Variants in TMEM161B observed in about 807,000 individuals in gnomAD.
TMEM161B encodes transmembrane protein 161B.
In TMEM161B, 34 loss-of-function variants were observed where a neutral mutation model predicts 61.8. The ratio of observed to expected loss-of-function variants is 0.55; its 90% confidence interval spans 0.42 to 0.73. The LOEUF is 0.73. TMEM161B is among the 30% of genes least tolerant of loss of function. The pLI is 0.00. For synonymous variants in TMEM161B, 167 were observed against 192.8 expected, an observed-to-expected ratio of 0.87 and a Z score of 1.11; for missense variants, 456 against 558.5, an observed-to-expected ratio of 0.82 and a Z score of 1.85.
intron 11 of TMEM161B, among the ~76,000 whole-genome samples, chr5:88,196,984 T>C (rs930160211): frequency 5.3e-5 from 8 of 152,150 alleles, no homozygotes; most frequent in Non-Finnish European, 1.2e-4. Context: ...TAATTTACAA[T>C]TGAACTACCT....
At chr5:88,244,764 C>T (rs561025502) in intron 1 of TMEM161B, among the ~76,000 whole-genome samples, 148 of 151,900 alleles carry the variant, frequency 9.7e-4, no homozygotes, top group African/African-American at 3.3e-3. Flanking sequence ...TTAATTCTTC[C>T]TATCCAAGAG....
intron 1 of TMEM161B, among the ~76,000 whole-genome samples, chr5:88,265,964 AT>A (rs1316747583): frequency 6.6e-6 from 1 of 152,220 alleles, no homozygotes; most frequent in African/African-American, 2.4e-5. Flanking sequence ...AAAGATTTAT[AT>A]TTGATCAAAG....
At chr5:88,244,344 T>C (rs1231110684) in intron 1 of TMEM161B, among the ~76,000 whole-genome samples, 1 of 151,964 alleles carries the variant, frequency 6.6e-6, no homozygotes, top group Non-Finnish European at 1.5e-5. Context: ...GCTTTAATCA[T>C]CTGCATATGG....
chr5:88,260,200 T>G (rs1755512635), intron 1 of TMEM161B, among the ~76,000 whole-genome samples: 1 of 152,220 alleles, frequency 6.6e-6, no homozygotes, highest in African/African-American at 2.4e-5. Flanking sequence ...ACGGACATAC[T>G]TCTACTTACC....
intron 2 of TMEM161B, among the ~76,000 whole-genome samples, chr5:88,239,930 AT>A (rs1752451605): frequency 6.6e-6 from 1 of 152,000 alleles, no homozygotes; most frequent in African/African-American, 2.4e-5. Context: ...AAATTTGGTT[AT>A]TTAACTGAAA....
intron 1 of TMEM161B, among the ~76,000 whole-genome samples, chr5:88,256,273 A>G (rs968833301): frequency 6.6e-6 from 1 of 152,220 alleles, no homozygotes; most frequent in African/African-American, 2.4e-5. Context: ...GACAAGGAAC[A>G]AAATATTCTT....
intron 5 of TMEM161B, among the ~76,000 whole-genome samples, chr5:88,207,863 G>A (rs1202104087): frequency 1.3e-5 from 2 of 152,046 alleles, no homozygotes; most frequent in Non-Finnish European, 2.9e-5. Flanking sequence ...ACAAACTAAG[G>A]TGCTTGGCAA....
intron 9 of TMEM161B, chr5:88,199,520 C>T (rs358287): frequency 0.29 from 45,754 of 159,080 alleles, 7,686 homozygotes; most frequent in African/African-American, 0.44. Context: ...AGTCAATCAC[C>T]CAGCATCACT....
At chr5:88,211,768 CA>C (rs61376905) in intron 5 of TMEM161B, among the ~76,000 whole-genome samples, 95,985 of 116,506 alleles carry the variant, frequency 0.82, 38,603 homozygotes, top group Non-Finnish European at 0.84. Flanking sequence ...GAACTCCATC[CA>C]AAAAAAAAAA....
At chr5:88,223,945 T>C (rs1472215573) in intron 4 of TMEM161B, among the ~76,000 whole-genome samples, 1 of 152,174 alleles carries the variant, frequency 6.6e-6, no homozygotes, top group Non-Finnish European at 1.5e-5. Flanking sequence ...ATTTATATTG[T>C]TCTTCACTGA....
chr5:88,201,064 A>C (rs903892383), intron 9 of TMEM161B: 1 of 152,082 alleles, frequency 6.6e-6, no homozygotes, highest in Non-Finnish European at 1.5e-5. Flanking sequence ...CAAAAATTAA[A>C]AACTGCCTCT....
At chr5:88,213,780 C>A (rs1256710190) in intron 5 of TMEM161B, among the ~76,000 whole-genome samples, 1 of 152,086 alleles carries the variant, frequency 6.6e-6, no homozygotes, top group Admixed American at 6.6e-5. Context: ...AAAAAAATCT[C>A]CATGTTCATA....
chr5:88,213,012 G>A (rs1193187318), intron 5 of TMEM161B, among the ~76,000 whole-genome samples: 1 of 151,992 alleles, frequency 6.6e-6, no homozygotes, highest in East Asian at 1.9e-4. Flanking sequence ...TATAAACTGA[G>A]TTTTTCTATT....
chr5:88,230,094 G>A lies in TMEM161B; in HGVS notation c.108-1566C>T, dbSNP rs752232021. ...GTGGTCGGGGGAGAGGGTGAGGTGGGAGGACTGCTTGAGCCTGAGAAGTCA... is the reference window on the plus strand; with the variant it reads ...GTGGTCGGGGGAGAGGGTGAGGTGGAAGGACTGCTTGAGCCTGAGAAGTCA... On this transcript the variant is annotated intron_variant, in intron 2 of 11. Coordinates refer to ENST00000296595, the MANE Select transcript of TMEM161B (RefSeq NM_153354.5). Among the ~76,000 whole-genome samples the A allele has an allele frequency of 1.1e-3, 162 of 152,136 alleles. 2 individuals carry two copies. Among genetic ancestry groups the A allele is most frequent in the Non-Finnish European group, 3.7e-4 (25 of 67,984 alleles).
chr5:88,194,146 C>T (rs1185745137), downstream of TMEM161B, among the ~76,000 whole-genome samples: 1 of 152,012 alleles, frequency 6.6e-6, no homozygotes, highest in Non-Finnish European at 1.5e-5. Flanking sequence ...CATTTCCTTC[C>T]CACTTCCCCT....
exon 13 of TMEM161B, chr5:88,189,924 C>T (rs1748612997): frequency 3.2e-6 from 2 of 619,722 alleles, no homozygotes; most frequent in Middle Eastern, 4.2e-4. Flanking sequence ...ACTCTGAGGC[C>T]AGTAGGCAGC....
chr5:88,213,734 C>T (rs189800303), intron 5 of TMEM161B, among the ~76,000 whole-genome samples: 1 of 152,172 alleles, frequency 6.6e-6, no homozygotes, highest in East Asian at 1.9e-4. Context: ...AGATTTTTGT[C>T]TTGAAATCTG....
chr5:88,189,750 T>C (rs1458722619), exon 13 of TMEM161B: 1 of 252,160 alleles, frequency 4.0e-6, no homozygotes, highest in Non-Finnish European at 7.7e-6. Context: ...AGGGGGCCTA[T>C]GATATAGTAT....
chr5:88,198,868 T>C (rs1750161697), intron 10 of TMEM161B, 108 bp downstream of exon 10: 6 of 945,498 alleles, frequency 6.3e-6, no homozygotes, highest in African/African-American at 1.7e-5. Flanking sequence ...TTATTTATAA[T>C]AAGAATATGA....
Sources: allele counts gnomAD v4.1 joint callset (sites outside exome capture counted in the v4.1 genomes callset), GRCh38; gene constraint gnomAD v4.1.1; transcripts MANE v1.5; gene names NCBI Gene and HGNC (gene_info 2026-07-23, HGNC 2026-07-21).